INSR: variants seen among roughly 807,000 people sequenced by gnomAD.
INSR encodes insulin receptor, also known as IR.
INSR carries 67 observed loss-of-function variants against 142.6 expected under a neutral mutation model. The observed-to-expected ratio is 0.47, with a 90% confidence interval of 0.39 to 0.58. INSR has a LOEUF of 0.58. INSR is among the 20% of genes least tolerant of loss of function. The pLI, the probability that INSR is intolerant of heterozygous loss-of-function variation, is 0.00. For missense variants in INSR, 1,248 were observed against 1,833.2 expected, an observed-to-expected ratio of 0.68 and a Z score of 5.83; for synonymous variants, 756 against 743.1, an observed-to-expected ratio of 1.02 and a Z score of -0.28.
chr19:7,265,409 A>G (rs1242003999), intron 2 of INSR, among the ~76,000 whole-genome samples: 1 of 152,170 alleles, frequency 6.6e-6, no homozygotes, highest in African/African-American at 2.4e-5. Flanking sequence ...ACACAAACAG[A>G]TCTCAAGTAG....
intron 9 of INSR, among the ~76,000 whole-genome samples, chr19:7,158,244 T>A (rs969589268): frequency 7.2e-5 from 11 of 151,946 alleles, no homozygotes; most frequent in African/African-American, 2.7e-4. Flanking sequence ...CTCACGCCTG[T>A]AATCCCAGCA....
intron 2 of INSR, among the ~76,000 whole-genome samples, chr19:7,207,733 G>A (rs1229830017): frequency 6.6e-6 from 1 of 151,952 alleles, no homozygotes; most frequent in Non-Finnish European, 1.5e-5. Context: ...GACAAGCCTG[G>A]GCAATATAGC....
At position 7,168,895 on chromosome 19, in the gene INSR, T is replaced by C. The variant is rs1007650395; in HGVS notation, c.1484-801A>G. On this transcript the variant is annotated intron_variant, in intron 6 of 21. Coordinates refer to ENST00000302850, the MANE Select transcript of INSR (RefSeq NM_000208.4). The surrounding 1 kb of genome is among the most constrained non-coding windows in gnomAD (Gnocchi z 4.3). Reference sequence around the variant, plus strand: ...CTGGGATTCCAGGCGTGAGCCACCATGCCCAGCCCTTGCACTACATTTTGA... The same window carrying C: ...CTGGGATTCCAGGCGTGAGCCACCACGCCCAGCCCTTGCACTACATTTTGA... Among the ~76,000 whole-genome samples the C allele has an allele frequency of 6.6e-6, 1 of 152,082 alleles. No homozygotes were observed. Among genetic ancestry groups the C allele is most frequent in the Admixed American group, 6.6e-5 (1 of 15,250 alleles).
chr19:7,245,310 G>C (rs10407075), intron 2 of INSR, among the ~76,000 whole-genome samples: 17,830 of 152,036 alleles, frequency 0.12, 2,874 homozygotes, highest in African/African-American at 0.37. Flanking sequence ...TCTTCTAAAA[G>C]GTGTAATAGG....
At chr19:7,254,200 T>A (rs1225969893) in intron 2 of INSR, among the ~76,000 whole-genome samples, 1 of 151,580 alleles carries the variant, frequency 6.6e-6, no homozygotes, top group African/African-American at 2.4e-5. Context: ...AAAATCCCCA[T>A]CTCTACAAAA....
intron 3 of INSR, among the ~76,000 whole-genome samples, chr19:7,179,156 C>T (rs1290294583): frequency 1.3e-5 from 2 of 152,204 alleles, no homozygotes; most frequent in Non-Finnish European, 2.9e-5. Flanking sequence ...AAGTGAGCCT[C>T]CCACCATGGC....
rs1207809528 is a variant in INSR, at chr19:7,224,969, C to G, written c.653-40332G>C. On this transcript the variant is annotated intron_variant, in intron 2 of 21. Transcript: ENST00000302850. Reference sequence around the variant, plus strand: ...GAAAGAAAAGGGGATGAGAGAGAGACAGACAGACAGACAGACAGACAGAGA... The same window carrying G: ...GAAAGAAAAGGGGATGAGAGAGAGAGAGACAGACAGACAGACAGACAGAGA... Among the ~76,000 whole-genome samples, 6 of 148,510 alleles carry G rather than the reference C, an allele frequency of 4.0e-5. No homozygotes were observed. In the East Asian group the frequency reaches 7.8e-4, roughly 19 times the overall value.
At chr19:7,137,305 A>C (rs1972955035) in intron 13 of INSR, among the ~76,000 whole-genome samples, 1 of 151,418 alleles carries the variant, frequency 6.6e-6, no homozygotes, top group African/African-American at 2.4e-5. Flanking sequence ...CAAGCCAATC[A>C]GCATACAGCA....
Position 7,249,864 on chromosome 19 carries a change from T to C in INSR, c.652+17481A>G, listed in dbSNP as rs186178578. On this transcript the variant is annotated intron_variant, in intron 2 of 21. Transcript: ENST00000302850. Reference sequence around the variant, plus strand: ...AAAATTAGCCGGGCGTGGTGGCAGGTGCCTGTAGTCCCAGCTACTCAGGAG... The same window carrying C: ...AAAATTAGCCGGGCGTGGTGGCAGGCGCCTGTAGTCCCAGCTACTCAGGAG... Among the ~76,000 whole-genome samples the C allele has an allele frequency of 2.8e-3, 432 of 152,004 alleles. 2 individuals are homozygous for C. Among genetic ancestry groups the C allele is most frequent in the Middle Eastern group, 0.021 (6 of 292 alleles).
chr19:7,272,124 GA>G (rs1967942207), intron 1 of INSR, among the ~76,000 whole-genome samples: 1 of 152,128 alleles, frequency 6.6e-6, no homozygotes, highest in Non-Finnish European at 1.5e-5. Context: ...CCAACATGGT[GA>G]AACCCCATCT....
chr19:7,122,657 C>T lies in INSR; in HGVS notation c.3486G>A (p.Ala1162=), dbSNP rs780958598. ...AATCATGGGCGACCATGCAGTTTCT[C>T]GCTGCCAGGTCCCGATGCACAAACT... is the stretch of plus-strand genomic sequence containing the variant. ...AKKFVHRDLA[A]RNCMVAHDFT... The change falls in exon 19 of 22, where the codon GCG becomes GCA. Residue 1162 remains alanine (A), a synonymous_variant. Coordinates refer to ENST00000302850, the MANE Select transcript of INSR (RefSeq NM_000208.4). 3.7e-6 allele frequency: 6 copies of T among 1,614,082 alleles called. No individual in the cohort carries two copies. Among genetic ancestry groups the T allele is most frequent in the East Asian group, 2.2e-5 (1 of 44,898 alleles).
chr19:7,237,377 C>A (rs1459272955), intron 2 of INSR, among the ~76,000 whole-genome samples: 1 of 151,514 alleles, frequency 6.6e-6, no homozygotes, highest in African/African-American at 2.4e-5. Context: ...ATTAGCCGGG[C>A]GTGGTGGCAG....
At chr19:7,133,361 C>A (rs1348933750) in intron 13 of INSR, among the ~76,000 whole-genome samples, 1 of 152,178 alleles carries the variant, frequency 6.6e-6, no homozygotes, top group Non-Finnish European at 1.5e-5. Flanking sequence ...TTAAAACAAG[C>A]TAATTAAATC....
At chr19:7,286,310 T>G (rs955765192) in intron 1 of INSR, among the ~76,000 whole-genome samples, 5 of 152,064 alleles carry the variant, frequency 3.3e-5, no homozygotes, top group Admixed American at 6.6e-5. Context: ...ATCAAAAAGA[T>G]ACATAAACCA....
intron 3 of INSR, among the ~76,000 whole-genome samples, chr19:7,175,462 T>C (rs184589892): frequency 3.9e-5 from 6 of 152,228 alleles, no homozygotes; most frequent in Admixed American, 2.0e-4. Flanking sequence ...GTCCTATGCA[T>C]TGGAGGATAT....
intron 11 of INSR, among the ~76,000 whole-genome samples, chr19:7,144,619 G>A (rs965140056): frequency 2.0e-5 from 3 of 151,734 alleles, no homozygotes; most frequent in Non-Finnish European, 2.9e-5. Context: ...GGCCAGGCTG[G>A]TCTCAAACTC....
chr19:7,151,164 C>T (rs375198903), intron 10 of INSR, among the ~76,000 whole-genome samples: 15 of 5,050 alleles, frequency 3.0e-3, no homozygotes, highest in African/African-American at 4.0e-3. Flanking sequence ...CTTTCTTTCT[C>T]TTTCTTTCTT....
intron 9 of INSR, among the ~76,000 whole-genome samples, chr19:7,153,337 C>CA (rs1568449880): frequency 1.3e-4 from 11 of 86,768 alleles, no homozygotes; most frequent in African/African-American, 1.5e-4. Context: ...CACACCCACG[C>CA]CACACACCAC....
At chr19:7,193,507 T>C (rs555294410) in intron 2 of INSR, among the ~76,000 whole-genome samples, 97 of 149,362 alleles carry the variant, frequency 6.5e-4, no homozygotes, top group South Asian at 4.4e-4. Flanking sequence ...TGAGACTCCA[T>C]CTCATAAAAA....
Sources: allele counts gnomAD v4.1 joint callset (sites outside exome capture counted in the v4.1 genomes callset), GRCh38; gene constraint gnomAD v4.1.1; non-coding constraint Gnocchi (gnomAD v3.1); transcripts MANE v1.5; gene names NCBI Gene and HGNC (gene_info 2026-07-23, HGNC 2026-07-21).